The following PCDHGB2 variants were observed in gnomAD, a reference collection of about 807,000 sequenced individuals.
The protein encoded by PCDHGB2 is protocadherin gamma-B2.
A neutral mutation model predicts 59.3 loss-of-function variants in PCDHGB2; 55 were observed. That is an observed-to-expected ratio of 0.93 (90% CI 0.75 to 1.16). PCDHGB2 has a LOEUF of 1.16. PCDHGB2 is among the 50% of genes most tolerant of loss of function. PCDHGB2 has a pLI of 0.00. For synonymous variants in PCDHGB2, 516 were observed against 512.0 expected (o/e 1.01, Z -0.11); for missense variants, 1,228 against 1,198.5 (o/e 1.02, Z -0.36).
At position 141,371,726 on chromosome 5, in the gene PCDHGB2, T is replaced by A. The variant is rs769173416; in HGVS notation, c.2421+9170T>A. The A allele has an allele frequency of 9.9e-6, 16 of 1,613,932 alleles. 2 individuals carry two copies. In the South Asian group the frequency reaches 1.3e-4, roughly 13 times the overall value. The stretch of plus-strand genomic sequence containing the variant: ...AGACCATCACTCTGCACATCCTTGA[T>A]GTCAACGACAACGTTCCCGTTTTCC... On this transcript the variant is annotated intron_variant, in intron 1 of 3. Coordinates refer to ENST00000522605, the MANE Select transcript of PCDHGB2 (RefSeq NM_018923.3).
intron 1 of PCDHGB2, chr5:141,427,265 C>A (rs767369457): frequency 6.6e-6 from 3 of 456,572 alleles, no homozygotes; most frequent in Non-Finnish European, 8.8e-6. Context: ...GCATGACCAG[C>A]GAATGTAAAA....
At chr5:141,399,641 C>T (rs747527070) in intron 1 of PCDHGB2, 5 of 1,613,852 alleles carry the variant, frequency 3.1e-6, no homozygotes, top group Non-Finnish European at 4.2e-6. Context: ...TCCATGAGCG[C>T]GCAAAGTGGG....
intron 1 of PCDHGB2, among the ~76,000 whole-genome samples, chr5:141,474,010 C>G (rs989832548): frequency 1.3e-5 from 2 of 152,092 alleles, no homozygotes; most frequent in Admixed American, 1.3e-4. Flanking sequence ...CTGGAAGTTA[C>G]AGTGAGCTAT....
chr5:141,399,685 C>G (rs1344845350), intron 1 of PCDHGB2: 1 of 1,613,532 alleles, frequency 6.2e-7, no homozygotes, highest in African/African-American at 1.3e-5. Context: ...TGACTACGAG[C>G]AGCTGCGCAC....
At chr5:141,424,120 C>A in intron 1 of PCDHGB2, 2 of 650,838 alleles carry the variant, frequency 3.1e-6, no homozygotes, top group Non-Finnish European at 3.9e-6. Context: ...AAATTTTGAT[C>A]CTGTTGATTT....
chr5:141,503,077 TCTC>T (rs1212079220), intron 2 of PCDHGB2, among the ~76,000 whole-genome samples: 1 of 151,810 alleles, frequency 6.6e-6, no homozygotes, highest in African/African-American at 2.4e-5. Flanking sequence ...ATGGTCTCGA[TCTC>T]CTGACCTCGT....
At chr5:141,383,161 G>T (rs774337554) in intron 1 of PCDHGB2, 1 of 1,614,052 alleles carries the variant, frequency 6.2e-7, no homozygotes, top group East Asian at 2.2e-5. Flanking sequence ...GGTCACTGCG[G>T]GCAGGATAGA....
At chr5:141,405,440 GAC>G (rs1297950312) in intron 1 of PCDHGB2, 3 of 1,417,402 alleles carry the variant, frequency 2.1e-6, no homozygotes, top group Non-Finnish European at 2.9e-6. Flanking sequence ...TTGTTTTTGA[GAC>G]AGAGTCTTAC....
Position 141,490,667 on chromosome 5 carries a change from T to C in PCDHGB2, c.2422-4140T>C, listed in dbSNP as rs906656199. The stretch of plus-strand genomic sequence containing the variant: ...CCTCCGGGCTCCCTTCTTTGCACTG[T>C]GGCTGCCTCAGATCCAGACACTGGG... On this transcript the variant is annotated intron_variant, in intron 1 of 3. Transcript: ENST00000522605. This position sits in a 1 kb window ranked among gnomAD's most constrained non-coding sequence, Gnocchi z 5.4. The C allele has an allele frequency of 6.8e-6, 11 of 1,614,206 alleles. 1 individual carries two copies. The highest frequency in any genetic ancestry group is 4.5e-5 in the East Asian group (2 of 44,876).
Position 141,415,748 on chromosome 5 carries a change from T to G in PCDHGB2, c.2421+53192T>G, listed in dbSNP as rs1345423849. On this transcript the variant is annotated intron_variant, in intron 1 of 3. Transcript: ENST00000522605. ...ATTTGATGTTTATTAAGGTTTTTTT[T>G]TTTTTTTTTTTTTTTTTTTTTTTTA... is the stretch of plus-strand genomic sequence containing the variant. 87 of 1,008,904 alleles carry G rather than the reference T, an allele frequency of 8.6e-5. No individual in the cohort carries two copies. The Middle Eastern group carries it at 1.2e-3, about 13-fold the overall frequency. 62.5% of individuals were successfully genotyped at this position (1,008,904 alleles called of 1,614,324 possible).
Position 141,432,236 on chromosome 5 carries a change from G to A in PCDHGB2, c.2422-62571G>A, listed in dbSNP as rs752735346. On this transcript the variant is annotated intron_variant, in intron 1 of 3. Coordinates refer to ENST00000522605, the MANE Select transcript of PCDHGB2 (RefSeq NM_018923.3). This position sits in a 1 kb window ranked among gnomAD's most constrained non-coding sequence, Gnocchi z 6.0. ...CGCCCAGATCACTTATTCCCTGGCT[G>A]AGAACACCATCCAAGGGGCAAGCCT... is the stretch of plus-strand genomic sequence containing the variant. The A allele has an allele frequency of 8.7e-6, 14 of 1,614,130 alleles. No individual in the cohort carries two copies. The African/African-American group carries it at 9.3e-5, about 11-fold the overall frequency.
At chr5:141,400,031 G>T in intron 1 of PCDHGB2, 1 of 1,613,082 alleles carries the variant, frequency 6.2e-7, no homozygotes, top group Admixed American at 1.7e-5. Flanking sequence ...GACGCGGCCC[G>T]CCAGCGCCTG....
intron 1 of PCDHGB2, chr5:141,475,984 G>T: frequency 1.9e-6 from 2 of 1,069,308 alleles, no homozygotes; most frequent in South Asian, 3.1e-5. Context: ...AACAGCCGGC[G>T]AGCAAATCAA....
chr5:141,421,861 C>T, intron 1 of PCDHGB2: 2 of 1,613,738 alleles, frequency 1.2e-6, no homozygotes, highest in South Asian at 2.2e-5. Flanking sequence ...TCACCTGCTC[C>T]TCCTCACAGC....
intron 1 of PCDHGB2, chr5:141,392,656 G>T: frequency 1.3e-6 from 1 of 748,568 alleles, no homozygotes; most frequent in South Asian, 2.2e-5. Context: ...ACCCGCAGAT[G>T]CCACAAACTA....
At chr5:141,427,187 C>T (rs1318380362) in intron 1 of PCDHGB2, 1 of 456,574 alleles carries the variant, frequency 2.2e-6, no homozygotes, top group Middle Eastern at 3.3e-4. Flanking sequence ...AAATTAAATC[C>T]AAAGACTTAA....
rs764987054 is a variant in PCDHGB2, at chr5:141,372,683, C to G, written c.2421+10127C>G. 9 of 1,613,826 alleles carry G rather than the reference C, an allele frequency of 5.6e-6. No homozygotes were observed. In the East Asian group the frequency reaches 1.8e-4, roughly 32 times the overall value. On this transcript the variant is annotated intron_variant, in intron 1 of 3. Transcript: ENST00000522605. ...GTGCTGCCTCACATTCCTCAAACACCGAGTTTAAATTTCTCAATATAAAGG... is the reference window on the plus strand; with the variant it reads ...GTGCTGCCTCACATTCCTCAAACACGGAGTTTAAATTTCTCAATATAAAGG...
intron 1 of PCDHGB2, among the ~76,000 whole-genome samples, chr5:141,429,629 C>G (rs2097230011): frequency 1.3e-5 from 2 of 152,160 alleles, no homozygotes; most frequent in Admixed American, 1.3e-4. Flanking sequence ...TATTTTCTCA[C>G]AGCTACCTAT....
intron 1 of PCDHGB2, chr5:141,394,434 C>A (rs985055027): frequency 6.2e-7 from 1 of 1,614,248 alleles, no homozygotes; most frequent in East Asian, 2.2e-5. Flanking sequence ...CGGGGACCCG[C>A]CCCTCAGCAG....
Sources: gnomAD v4.1 joint callset for allele counts (sites outside exome capture counted in the v4.1 genomes callset) on GRCh38, gnomAD v4.1.1 for gene constraint, Gnocchi (gnomAD v3.1) non-coding constraint, MANE v1.5 for transcripts, NCBI Gene and HGNC (gene_info 2026-07-23, HGNC 2026-07-21) for gene names.